Variants in THSD4 observed in about 807,000 individuals in gnomAD.
THSD4 encodes the protein thrombospondin type 1 domain containing 4, also known as thrombospondin type-1 domain-containing protein 4.
In THSD4, 69 loss-of-function variants were observed where a neutral mutation model predicts 119.0. That is an observed-to-expected ratio of 0.58 (90% CI 0.48 to 0.71). THSD4 has a LOEUF of 0.71. THSD4 is among the 30% of genes least tolerant of loss of function. THSD4 has a pLI of 0.00. For missense variants in THSD4, 1,393 were observed against 1,391.1 expected (o/e 1.00, Z -0.02); for synonymous variants, 524 against 540.4 (o/e 0.97, Z 0.42).
intron 7 of THSD4, among the ~76,000 whole-genome samples, chr15:71,629,055 G>A (rs763109100): frequency 6.6e-5 from 10 of 152,328 alleles, no homozygotes; most frequent in African/African-American, 1.2e-4. Flanking sequence ...GTTTGGTTAC[G>A]TTTGTAACTT....
In THSD4 at chr15:71,570,804, A is replaced by G. The variant is rs118080268; in HGVS notation, c.1153-89726A>G. 3.1e-4 allele frequency among the ~76,000 whole-genome samples: 47 copies of G among 152,270 alleles called. No individual in the cohort carries two copies. The East Asian group carries it at 6.0e-3, about 19-fold the overall frequency. On this transcript the variant is annotated intron_variant, in intron 7 of 17. Coordinates refer to ENST00000261862, the MANE Select transcript of THSD4 (RefSeq NM_024817.3). ...GTGGCAGTGTCTTCAACTGGAAAATAAGAAGGTTGATGACTTGTCTGGGAA... is the reference window on the plus strand; with the variant it reads ...GTGGCAGTGTCTTCAACTGGAAAATGAGAAGGTTGATGACTTGTCTGGGAA...
intron 7 of THSD4, among the ~76,000 whole-genome samples, chr15:71,541,571 AC>A (rs1226009654): frequency 6.6e-6 from 1 of 152,224 alleles, no homozygotes; most frequent in African/African-American, 2.4e-5. Context: ...TGAGCATCTT[AC>A]TTTTTTCACT....
At chr15:71,468,567 T>A (rs893328811) in intron 7 of THSD4, among the ~76,000 whole-genome samples, 3 of 152,240 alleles carry the variant, frequency 2.0e-5, no homozygotes, top group African/African-American at 7.2e-5. Context: ...ACATTAGTTT[T>A]AGCTATAAGA....
At chr15:71,654,858 C>CCT (rs1428229192) in intron 7 of THSD4, among the ~76,000 whole-genome samples, 2 of 152,170 alleles carry the variant, frequency 1.3e-5, no homozygotes, top group African/African-American at 4.8e-5. Flanking sequence ...ACTGAGCACA[C>CCT]ACAGACACAT....
At chr15:71,506,001 G>A (rs1479970066) in intron 7 of THSD4, among the ~76,000 whole-genome samples, 3 of 152,176 alleles carry the variant, frequency 2.0e-5, no homozygotes, top group East Asian at 3.9e-4. Context: ...TTTATTTTGA[G>A]GGGAAAGAAT....
intron 3 of THSD4, among the ~76,000 whole-genome samples, chr15:71,181,875 A>G (rs1260906079): frequency 1.3e-5 from 2 of 152,134 alleles, no homozygotes; most frequent in African/African-American, 4.8e-5. Flanking sequence ...CCATCTCTAG[A>G]TTGTGAAAGG....
intron 2 of THSD4, among the ~76,000 whole-genome samples, chr15:71,148,592 A>T (rs2040688578): frequency 6.6e-6 from 1 of 152,164 alleles, no homozygotes; most frequent in African/African-American, 2.4e-5. Context: ...GTGGGACTGG[A>T]TGAATGCAGC....
chr15:71,231,273 C>T (rs902649741), intron 4 of THSD4, among the ~76,000 whole-genome samples: 4 of 152,300 alleles, frequency 2.6e-5, no homozygotes, highest in Middle Eastern at 3.4e-3. Context: ...CCCCAGAAGG[C>T]CTGAGTCTTT....
At position 71,312,146 on chromosome 15, in the gene THSD4, A is replaced by G. The variant is rs201620716; in HGVS notation, c.1015+55431A>G. 7.9e-5 allele frequency among the ~76,000 whole-genome samples: 12 copies of G among 152,222 alleles called. No homozygotes were observed. In the East Asian group the frequency reaches 2.1e-3, roughly 27 times the overall value. ...TTCATGTTGAGTCCTAGCTTCCAGT[A>G]CCTCAGATTGTAACTGTATTTGGAG... On this transcript the variant is annotated intron_variant, in intron 6 of 17. Coordinates refer to ENST00000261862, the MANE Select transcript of THSD4 (RefSeq NM_024817.3).
At chr15:71,243,223 T>G in intron 5 of THSD4, 127 bp downstream of exon 5, 1 of 937,924 alleles carries the variant, frequency 1.1e-6, no homozygotes, top group South Asian at 1.9e-5. Flanking sequence ...CTTTTAATCT[T>G]CCTCCTTTCT....
At chr15:71,408,751 C>G (rs1456577935) in intron 6 of THSD4, among the ~76,000 whole-genome samples, 1 of 152,060 alleles carries the variant, frequency 6.6e-6, no homozygotes, top group Admixed American at 6.5e-5. Flanking sequence ...ACTCGGGAGG[C>G]TGAGATGGGA....
chr15:71,600,345 C>A (rs76972192), intron 7 of THSD4, among the ~76,000 whole-genome samples: 1,725 of 152,268 alleles, frequency 0.011, 37 homozygotes, highest in East Asian at 0.088. Flanking sequence ...TCTGAATTCC[C>A]GTAGGTTTTG....
intron 6 of THSD4, among the ~76,000 whole-genome samples, chr15:71,319,602 T>C (rs990108742): frequency 2.0e-5 from 3 of 152,162 alleles, no homozygotes; most frequent in African/African-American, 7.2e-5. Context: ...GGCTGCATAG[T>C]ATTCCATGGT....
At chr15:71,128,394 G>A (rs911996685) in intron 1 of THSD4, among the ~76,000 whole-genome samples, 1 of 152,002 alleles carries the variant, frequency 6.6e-6, no homozygotes. Flanking sequence ...GGGCATAGTG[G>A]CACATGTCTG....
intron 3 of THSD4, among the ~76,000 whole-genome samples, chr15:71,171,936 G>A (rs1396001516): frequency 1.3e-5 from 2 of 152,054 alleles, no homozygotes; most frequent in African/African-American, 4.8e-5. Context: ...GTTACTTGAA[G>A]GTATACTGTG....
At chr15:71,414,156 C>A (rs2046726493) in intron 7 of THSD4, among the ~76,000 whole-genome samples, 1 of 152,196 alleles carries the variant, frequency 6.6e-6, no homozygotes, top group Non-Finnish European at 1.5e-5. Context: ...TGCTTCTGTA[C>A]ATCATCTAAA....
At chr15:71,219,196 AT>A (rs941376733) in intron 4 of THSD4, among the ~76,000 whole-genome samples, 15 of 152,064 alleles carry the variant, frequency 9.9e-5, no homozygotes, top group South Asian at 4.2e-4. Context: ...GACTGTTAGA[AT>A]TTTTTTTCCC....
At chr15:71,775,447 C>T (rs932757674) in intron 17 of THSD4, among the ~76,000 whole-genome samples, 1 of 152,148 alleles carries the variant, frequency 6.6e-6, no homozygotes, top group East Asian at 1.9e-4. Context: ...TGGTGGCTCA[C>T]GCCTGTAATC....
At chr15:71,120,965 A>C (rs1320920917) in intron 1 of THSD4, among the ~76,000 whole-genome samples, 1 of 152,246 alleles carries the variant, frequency 6.6e-6, no homozygotes, top group African/African-American at 2.4e-5. Context: ...TTGGAGGCAC[A>C]GTCAGGAGAG....
Sources: gnomAD v4.1 joint callset for allele counts (sites outside exome capture counted in the v4.1 genomes callset) on GRCh38, gnomAD v4.1.1 for gene constraint, MANE v1.5 for transcripts, NCBI Gene and HGNC (gene_info 2026-07-23, HGNC 2026-07-21) for gene names.